The following SLC45A4 variants were observed in gnomAD, a reference collection of about 807,000 sequenced individuals.
SLC45A4 encodes the protein polyamine-transporter SLC45A4.
SLC45A4 carries 32 observed loss-of-function variants against 63.7 expected under a neutral mutation model. The ratio of observed to expected loss-of-function variants is 0.50; its 90% CI spans 0.38 to 0.67. The LOEUF (loss-of-function observed/expected upper bound fraction) is 0.67. Ranked by LOEUF, SLC45A4 falls within the 30% of genes least tolerant of loss-of-function variation. SLC45A4 has a pLI of 0.00. For synonymous variants in SLC45A4, 535 were observed against 510.0 expected (o/e 1.05, Z -0.66); for missense variants, 1,027 against 1,157.7 (o/e 0.89, Z 1.64).
intron 2 of SLC45A4, among the ~76,000 whole-genome samples, chr8:141,244,603 G>A (rs1828077175): frequency 6.6e-6 from 1 of 152,206 alleles, no homozygotes; most frequent in Non-Finnish European, 1.5e-5. Context: ...ACACTGTGGA[G>A]TGCGTTGAGT....
intron 2 of SLC45A4, among the ~76,000 whole-genome samples, chr8:141,224,033 G>A (rs1826827262): frequency 6.6e-6 from 1 of 151,620 alleles, no homozygotes; most frequent in Non-Finnish European, 1.5e-5. Context: ...TCTAATAGGA[G>A]GGGCTCTGCT....
chr8:141,293,849 C>T (rs144982262), intron 1 of SLC45A4, among the ~76,000 whole-genome samples: 3 of 151,818 alleles, frequency 2.0e-5, no homozygotes, highest in African/African-American at 7.3e-5. Context: ...ACAAGAATGG[C>T]TTGAACCTTG....
At chr8:141,302,323 A>T (rs944851772) in intron 1 of SLC45A4, among the ~76,000 whole-genome samples, 24 of 152,054 alleles carry the variant, frequency 1.6e-4, no homozygotes, top group Admixed American at 1.0e-3. Flanking sequence ...GAAGTGGCGC[A>T]ATCTTGGCTC....
intron 1 of SLC45A4, among the ~76,000 whole-genome samples, chr8:141,285,166 C>T (rs1830091648): frequency 6.6e-6 from 1 of 152,220 alleles, no homozygotes; most frequent in Admixed American, 6.5e-5. Context: ...GAAACGCCAG[C>T]TCCTGCCTTC....
intron 2 of SLC45A4, among the ~76,000 whole-genome samples, chr8:141,240,167 A>G (rs1827840467): frequency 6.6e-6 from 1 of 152,220 alleles, no homozygotes; most frequent in Admixed American, 6.5e-5. Context: ...ACGGACAAGA[A>G]TAAACCTGAC....
chr8:141,305,061 G>A (rs1275592107), intron 1 of SLC45A4, among the ~76,000 whole-genome samples: 1 of 152,114 alleles, frequency 6.6e-6, no homozygotes, highest in South Asian at 2.1e-4. Context: ...TCATTTCCAC[G>A]AACATTAAAG....
intron 1 of SLC45A4, among the ~76,000 whole-genome samples, chr8:141,286,606 C>G (rs924656571): frequency 1.3e-5 from 2 of 152,112 alleles, no homozygotes; most frequent in African/African-American, 4.8e-5. Flanking sequence ...ACCCTGCTTC[C>G]TACTCACACT....
Position 141,256,687 on chromosome 8 carries a change from T to C in SLC45A4, c.-400-2058A>G, listed in dbSNP as rs1828806223. 2.2e-6 allele frequency: 1 copy of C among 452,544 alleles called. No individual in the cohort carries two copies. The allele number at this position is 452,544 out of a possible 1,614,324, so 28.0% of individuals were successfully genotyped here. ...AACCAAAGGTTCAAGTGGTGCTACC[T>C]ATGTATTTGCTTCTTACGTCCCCTG... On this transcript the variant is annotated intron_variant, in intron 1 of 8. Transcript: ENST00000517878. This position sits in a 1 kb window ranked among gnomAD's most constrained non-coding sequence, Gnocchi z 4.3.
intron 7 of SLC45A4, among the ~76,000 whole-genome samples, chr8:141,214,036 C>T (rs188563329): frequency 5.1e-4 from 77 of 151,968 alleles, no homozygotes; most frequent in Non-Finnish European, 7.9e-4. Flanking sequence ...GTGAAACTGT[C>T]GTCTCTACTA....
chr8:141,237,833 T>C (rs1215306110), intron 2 of SLC45A4, among the ~76,000 whole-genome samples: 1 of 152,196 alleles, frequency 6.6e-6, no homozygotes, highest in Non-Finnish European at 1.5e-5. Context: ...CCTCCAGCCC[T>C]GGGCACAATG....
intron 1 of SLC45A4, among the ~76,000 whole-genome samples, chr8:141,297,631 G>C (rs527765555): frequency 6.6e-6 from 1 of 152,318 alleles, no homozygotes; most frequent in African/African-American, 2.4e-5. Context: ...GAGATGGCAC[G>C]AACTGTCAGG....
At position 141,211,090 on chromosome 8, in the gene SLC45A4, C is replaced by A; in HGVS notation, c.*482G>T. The A allele has an allele frequency of 4.8e-6, 1 of 207,606 alleles. No homozygotes were observed. Among genetic ancestry groups the A allele is most frequent in the Non-Finnish European group, 9.6e-6 (1 of 103,696 alleles). 12.9% of individuals were successfully genotyped at this position (207,606 alleles called of 1,614,324 possible). A position where few individuals can be genotyped will look rare whatever the true frequency, so the allele number is the denominator to read the frequency against. ...CGACAGGTTCCAGCACGCATGTCCC[C>A]TTCGCAAGCGGGGGAGGCCCTCGCA... On this transcript the variant is annotated 3_prime_UTR_variant, in exon 9 of 9. Transcript: ENST00000517878.
At chr8:141,212,670 A>G in intron 7 of SLC45A4, 114 bp from the exon 8 acceptor site, 1 of 1,324,728 alleles carries the variant, frequency 7.5e-7, no homozygotes, top group East Asian at 2.5e-5. Flanking sequence ...TCTTCCACCG[A>G]GTCTCTTGGC....
At chr8:141,240,817 C>A (rs746194005) in intron 2 of SLC45A4, among the ~76,000 whole-genome samples, 1 of 152,388 alleles carries the variant, frequency 6.6e-6, no homozygotes, top group Non-Finnish European at 1.5e-5. Flanking sequence ...AGACACCACA[C>A]GCATCACCTG....
intron 2 of SLC45A4, chr8:141,228,178 C>G (rs756164739): frequency 1.2e-6 from 2 of 1,614,020 alleles, no homozygotes; most frequent in Non-Finnish European, 1.7e-6. Flanking sequence ...AGCATTCTAA[C>G]CTTTCTGAAG....
chr8:141,220,627 G>A (rs549124760), intron 3 of SLC45A4, among the ~76,000 whole-genome samples: 1 of 152,364 alleles, frequency 6.6e-6, no homozygotes, highest in African/African-American at 2.4e-5. Flanking sequence ...ACCCAGGCCT[G>A]AACACAGACA....
At chr8:141,264,801 C>T (rs908745000) in intron 1 of SLC45A4, among the ~76,000 whole-genome samples, 1 of 152,198 alleles carries the variant, frequency 6.6e-6, no homozygotes, top group African/African-American at 2.4e-5. Flanking sequence ...AGGATTTCCT[C>T]TGCCCTTATG....
chr8:141,251,569 G>A (rs1189754191), intron 2 of SLC45A4, among the ~76,000 whole-genome samples: 1 of 151,976 alleles, frequency 6.6e-6, no homozygotes, highest in Non-Finnish European at 1.5e-5. Context: ...ACACAGAGGA[G>A]AGAACAAGAG....
Position 141,307,171 on chromosome 8 carries a change from C to T in SLC45A4, c.-401+925G>A, listed in dbSNP as rs577007301. ...GCTGGGCCCCGTGTGGATCCGCCTCCGCTGGAAAAGCCGCTGCTGGAAGTG... is the reference window on the plus strand; with the variant it reads ...GCTGGGCCCCGTGTGGATCCGCCTCTGCTGGAAAAGCCGCTGCTGGAAGTG... On this transcript the variant is annotated intron_variant, in intron 1 of 8. Coordinates refer to ENST00000517878, the MANE Select transcript of SLC45A4 (RefSeq NM_001286646.2). 3.3e-5 allele frequency among the ~76,000 whole-genome samples: 5 copies of T among 152,012 alleles called. No individual in the cohort carries two copies. The South Asian group carries it at 1.0e-3, about 32-fold the overall frequency.
Sources: allele counts gnomAD v4.1 joint callset (sites outside exome capture counted in the v4.1 genomes callset), GRCh38; gene constraint gnomAD v4.1.1; non-coding constraint Gnocchi (gnomAD v3.1); transcripts MANE v1.5; gene names NCBI Gene and HGNC (gene_info 2026-07-23, HGNC 2026-07-21).